The following CADM2 variants were observed in gnomAD, a reference collection of about 807,000 sequenced individuals.
CADM2 encodes immunoglobulin superfamily member 4D.
Under a neutral mutation model 49.8 loss-of-function variants are expected in CADM2, and 12 were observed. That is an observed-to-expected ratio of 0.24 (90% CI 0.15 to 0.39). CADM2 has a LOEUF of 0.39. Among genes scored for constraint, CADM2 ranks in the 10% least tolerant of loss-of-function variants. The pLI is 1.00. For synonymous variants in CADM2, 214 were observed against 175.4 expected (o/e 1.22, Z -1.74); for missense variants, 378 against 492.3 (o/e 0.77, Z 2.20).
intron 1 of CADM2, among the ~76,000 whole-genome samples, chr3:85,526,647 T>C (rs12491722): frequency 0.6 from 90,408 of 151,818 alleles, 28,355 homozygotes; most frequent in East Asian, 0.93. Context: ...TCCAAGCTTA[T>C]AAGTTTTTAT....
intron 1 of CADM2, among the ~76,000 whole-genome samples, chr3:85,118,862 G>A (rs1190340016): frequency 1.3e-5 from 2 of 152,150 alleles, no homozygotes; most frequent in Non-Finnish European, 2.9e-5. Flanking sequence ...CGATTCTCCT[G>A]CCTCAGCCTC....
chr3:85,578,023 C>T (rs1045432951), intron 1 of CADM2, among the ~76,000 whole-genome samples: 1 of 136,352 alleles, frequency 7.3e-6, no homozygotes, highest in Admixed American at 7.7e-5. Flanking sequence ...TTCCTTCCTT[C>T]CTTCCTTTCT....
chr3:85,873,705 T>G (rs1711499034), intron 3 of CADM2, among the ~76,000 whole-genome samples: 1 of 152,146 alleles, frequency 6.6e-6, no homozygotes, highest in Admixed American at 6.6e-5. Context: ...AAAAGTAGGA[T>G]GTCATTCTTC....
intron 1 of CADM2, among the ~76,000 whole-genome samples, chr3:85,177,648 A>G (rs2040820679): frequency 6.6e-6 from 1 of 152,032 alleles, no homozygotes; most frequent in Non-Finnish European, 1.5e-5. Context: ...TTTAAGCACT[A>G]AAAATAATGA....
At chr3:85,886,076 T>A (rs1713613596) in intron 4 of CADM2, 114 bp from the exon 5 acceptor site, 1 of 1,468,782 alleles carries the variant, frequency 6.8e-7, no homozygotes, top group Admixed American at 2.2e-5. Flanking sequence ...TTCATCTTGA[T>A]CGAACTTCTT....
At chr3:85,914,881 A>T (rs1435052921) in intron 6 of CADM2, among the ~76,000 whole-genome samples, 1 of 152,164 alleles carries the variant, frequency 6.6e-6, no homozygotes, top group African/African-American at 2.4e-5. Context: ...AACTTTAGCT[A>T]AAAAATGAAA....
At chr3:85,220,591 A>G (rs1427983973) in intron 1 of CADM2, among the ~76,000 whole-genome samples, 1 of 152,136 alleles carries the variant, frequency 6.6e-6, no homozygotes, top group Non-Finnish European at 1.5e-5. Context: ...TGACCATACT[A>G]CAGGAGTAAT....
At chr3:85,942,147 T>A (rs1398844270) in intron 7 of CADM2, among the ~76,000 whole-genome samples, 3 of 151,968 alleles carry the variant, frequency 2.0e-5, no homozygotes, top group Non-Finnish European at 4.4e-5. Context: ...TCACAATAAC[T>A]CAATAAAGTT....
At chr3:85,476,696 T>C (rs1053121124) in intron 1 of CADM2, among the ~76,000 whole-genome samples, 2 of 151,678 alleles carry the variant, frequency 1.3e-5, no homozygotes, top group Non-Finnish European at 1.5e-5. Context: ...AAACAAAGAG[T>C]AAACTATTAT....
chr3:85,996,097 A>T (rs950177711), intron 8 of CADM2, among the ~76,000 whole-genome samples: 21 of 150,626 alleles, frequency 1.4e-4, no homozygotes, highest in African/African-American at 2.2e-4. Flanking sequence ...CTAAAAAAAA[A>T]AAATAAAAAA....
intron 6 of CADM2, among the ~76,000 whole-genome samples, chr3:85,918,491 T>C (rs2108497608): frequency 6.6e-6 from 1 of 152,258 alleles, no homozygotes; most frequent in Non-Finnish European, 1.5e-5. Flanking sequence ...GCCTTGCATC[T>C]CAGGGATGAA....
intron 1 of CADM2, among the ~76,000 whole-genome samples, chr3:85,336,953 TTAATATATATATTAAATATATATTTAA>T (rs1345061784): frequency 6.9e-4 from 27 of 39,394 alleles, no homozygotes; most frequent in Non-Finnish European, 2.1e-3. Flanking sequence ...ATATATATAT[TTAATATATATATTAAATATATATTTAA>T]TATATATATA....
At chr3:85,402,975 G>T (rs951988714) in intron 1 of CADM2, among the ~76,000 whole-genome samples, 1 of 152,058 alleles carries the variant, frequency 6.6e-6, no homozygotes, top group Non-Finnish European at 1.5e-5. Context: ...TTAATGATTT[G>T]CTAGGAACCG....
At chr3:85,666,039 A>G (rs1012911660) in intron 1 of CADM2, among the ~76,000 whole-genome samples, 1 of 152,068 alleles carries the variant, frequency 6.6e-6, no homozygotes, top group Non-Finnish European at 1.5e-5. Context: ...CAACTTCAGC[A>G]AAGTCTCAGA....
intron 8 of CADM2, among the ~76,000 whole-genome samples, chr3:86,007,318 T>TA (rs772159994): frequency 6.6e-6 from 1 of 151,974 alleles, no homozygotes; most frequent in Non-Finnish European, 1.5e-5. Flanking sequence ...TAATGGTGAT[T>TA]AAAAAAACAG....
intron 1 of CADM2, among the ~76,000 whole-genome samples, chr3:85,620,247 C>A (rs1051763968): frequency 2.0e-5 from 3 of 151,974 alleles, no homozygotes; most frequent in African/African-American, 7.2e-5. Context: ...CTAAAATAGT[C>A]AATTTAATCA....
chr3:85,768,479 A>AATAT (rs2069789299), intron 2 of CADM2, among the ~76,000 whole-genome samples: 1 of 113,528 alleles, frequency 8.8e-6, no homozygotes, highest in Non-Finnish European at 1.7e-5. Flanking sequence ...ATAATAAATA[A>AATAT]ATAAATAAAT....
chr3:85,584,145 T>A (rs2062870981), intron 1 of CADM2, among the ~76,000 whole-genome samples: 1 of 152,102 alleles, frequency 6.6e-6, no homozygotes, highest in South Asian at 2.1e-4. Context: ...ATCTAGCTTT[T>A]ACATATACAT....
At chr3:85,550,804 G>C (rs142387776) in intron 1 of CADM2, among the ~76,000 whole-genome samples, 9 of 152,062 alleles carry the variant, frequency 5.9e-5, no homozygotes, top group African/African-American at 2.2e-4. Flanking sequence ...CCTTGAACTA[G>C]GCTCTCCTTT....
Sources: allele counts gnomAD v4.1 joint callset (sites outside exome capture counted in the v4.1 genomes callset), GRCh38; gene constraint gnomAD v4.1.1; transcripts MANE v1.5; gene names NCBI Gene and HGNC (gene_info 2026-07-23, HGNC 2026-07-21).